NR1I2: variants seen among roughly 807,000 people sequenced by gnomAD.
NR1I2 encodes nuclear receptor subfamily 1 group I member 2.
Under a neutral mutation model 43.3 loss-of-function variants are expected in NR1I2, and 42 were observed. That is an observed-to-expected ratio of 0.97 (90% CI 0.76 to 1.26). The LOEUF is 1.26. Among genes scored for constraint, NR1I2 ranks in the 50% most tolerant of loss-of-function variants. NR1I2 has a pLI of 0.00. For synonymous variants in NR1I2, 229 were observed against 215.0 expected, an observed-to-expected ratio of 1.06 and a Z score of -0.57; for missense variants, 559 against 566.7, an observed-to-expected ratio of 0.99 and a Z score of 0.14.
In NR1I2 at chr3:119,817,484, G is replaced by A. The variant is rs564258519; in HGVS notation, c.*272G>A. On this transcript the variant is annotated 3_prime_UTR_variant, in exon 9 of 9. Transcript: ENST00000393716. ...TAGGTCAGGACCATCAGAGAGGCAA[G>A]GTTGCCCTTTCCTTTTAAAAGGCCC... The A allele has an allele frequency of 1.1e-5, 15 of 1,323,652 alleles. No individual in the cohort carries two copies. The African/African-American group carries it at 1.6e-4, about 14-fold the overall frequency. 82.0% of individuals were successfully genotyped at this position (1,323,652 alleles called of 1,614,324 possible).
chr3:119,783,127 A>T (rs944030591), intron 1 of NR1I2, among the ~76,000 whole-genome samples: 22 of 151,794 alleles, frequency 1.4e-4, no homozygotes, highest in African/African-American at 4.8e-4. Context: ...AGTTGAAAGG[A>T]TGCTAAGGGA....
intron 1 of NR1I2, among the ~76,000 whole-genome samples, chr3:119,788,581 G>C (rs2054876097): frequency 6.6e-6 from 1 of 152,040 alleles, no homozygotes; most frequent in Non-Finnish European, 1.5e-5. Flanking sequence ...GGGACTACAG[G>C]CACATGTCAC....
chr3:119,817,126 C>G lies in NR1I2; in HGVS notation c.1219C>G (p.His407Asp), dbSNP rs750065304. The G allele has an allele frequency of 3.7e-6, 6 of 1,614,114 alleles. No homozygotes were observed. Among genetic ancestry groups the G allele is most frequent in the Non-Finnish European group, 5.1e-6 (6 of 1,180,040 alleles). The change falls in exon 9 of 9, where the codon CAC becomes GAC. Residue 407 changes from histidine to aspartate, a missense_variant. Physicochemically the swap from His to Asp is moderately conservative, Grantham distance 81. Coordinates refer to ENST00000393716, the MANE Select transcript of NR1I2 (RefSeq NM_003889.4). ...CGAGCTCCGCAGCATCAATGCTCAGCACACCCAGCGGCTGCTGCGCATCCA... is the reference window on the plus strand; with the variant it reads ...CGAGCTCCGCAGCATCAATGCTCAGGACACCCAGCGGCTGCTGCGCATCCA...
intron 1 of NR1I2, among the ~76,000 whole-genome samples, chr3:119,805,613 G>C (rs1467868817): frequency 6.6e-6 from 1 of 151,282 alleles, no homozygotes; most frequent in Non-Finnish European, 1.5e-5. Flanking sequence ...AGAGGCAGGA[G>C]AATCGCTTGA....
intron 1 of NR1I2, among the ~76,000 whole-genome samples, chr3:119,799,751 G>T (rs1162573557): frequency 6.6e-6 from 1 of 152,122 alleles, no homozygotes; most frequent in Non-Finnish European, 1.5e-5. Context: ...AGGCTGAGGG[G>T]CATGGATCAC....
chr3:119,789,164 G>T (rs1045329626), intron 1 of NR1I2, among the ~76,000 whole-genome samples: 2 of 152,150 alleles, frequency 1.3e-5, no homozygotes, highest in African/African-American at 4.8e-5. Flanking sequence ...AATTGCCAGG[G>T]CCCTGACCTC....
Position 119,817,384 on chromosome 3 carries a change from T to C in NR1I2, c.*172T>C, listed in dbSNP as rs1023730014. On this transcript the variant is annotated 3_prime_UTR_variant, in exon 9 of 9. Transcript: ENST00000393716. ...TGGCTAGCATTCCTCAGGAAGGACA[T>C]GGGTGCCCCCCACCCCCAGTTCAGT... 3 of 1,488,986 alleles carry C rather than the reference T, an allele frequency of 2.0e-6. No individual in the cohort carries two copies. In the African/African-American group the frequency reaches 4.2e-5, roughly 21 times the overall value. The allele number at this position is 1,488,986 out of a possible 1,614,324, so 92.2% of individuals were successfully genotyped here.
At chr3:119,804,698 T>G (rs6438548) in intron 1 of NR1I2, among the ~76,000 whole-genome samples, 125,477 of 151,756 alleles carry the variant, frequency 0.83, 53,610 homozygotes, top group East Asian at 1. Flanking sequence ...TGCCTGCCTC[T>G]GCCTCCCAAA....
At chr3:119,789,936 T>G (rs144344399) in intron 1 of NR1I2, among the ~76,000 whole-genome samples, 1 of 152,212 alleles carries the variant, frequency 6.6e-6, no homozygotes, top group African/African-American at 2.4e-5. Flanking sequence ...ATTAATTAGT[T>G]CTGGTAAAAT....
At chr3:119,808,341 G>A (rs186512757) in intron 2 of NR1I2, among the ~76,000 whole-genome samples, 4 of 152,366 alleles carry the variant, frequency 2.6e-5, no homozygotes, top group African/African-American at 9.6e-5. Context: ...TTCAGCAGAA[G>A]CGCACAAAGG....
intron 1 of NR1I2, chr3:119,791,972 G>A (rs1577270649): frequency 1.4e-6 from 1 of 691,956 alleles, no homozygotes; most frequent in East Asian, 2.8e-5. Flanking sequence ...TTGTGGTAGG[G>A]TAAGGGACTC....
Position 119,807,248 on chromosome 3 carries a change from A to C in NR1I2, c.-3A>C, listed in dbSNP as rs1559788488. On this transcript the variant is annotated 5_prime_UTR_variant, in exon 2 of 9. Transcript: ENST00000393716. ...TTCTAGTCCAAGAGGCCCAGAAGCA[A>C]ACCTGGAGGTGAGACCCAAAGAAAG... 1.9e-6 allele frequency: 3 copies of C among 1,614,128 alleles called. No homozygotes were observed. Among genetic ancestry groups the C allele is most frequent in the Non-Finnish European group, 2.5e-6 (3 of 1,180,002 alleles).
chr3:119,799,808 C>T (rs962404002), intron 1 of NR1I2, among the ~76,000 whole-genome samples: 5 of 151,966 alleles, frequency 3.3e-5, no homozygotes, highest in Non-Finnish European at 5.9e-5. Context: ...GGTGAAACCC[C>T]GTCTCTACTA....
chr3:119,783,918 A>C (rs2054811294), intron 1 of NR1I2, among the ~76,000 whole-genome samples: 1 of 152,192 alleles, frequency 6.6e-6, no homozygotes, highest in South Asian at 2.1e-4. Context: ...TACTTCATTT[A>C]TTTTAACTGC....
intron 1 of NR1I2, among the ~76,000 whole-genome samples, chr3:119,790,396 C>T (rs569176928): frequency 9.2e-5 from 14 of 152,190 alleles, no homozygotes; most frequent in East Asian, 3.9e-4. Context: ...TTCAAGACCC[C>T]GATTTCAGTT....
intron 1 of NR1I2, among the ~76,000 whole-genome samples, chr3:119,806,261 A>G (rs1269357537): frequency 6.6e-6 from 1 of 152,034 alleles, no homozygotes; most frequent in Non-Finnish European, 1.5e-5. Flanking sequence ...TTGCCTGGGG[A>G]GGACATCCTT....
intron 2 of NR1I2, among the ~76,000 whole-genome samples, chr3:119,809,788 T>C (rs2055211464): frequency 6.6e-6 from 1 of 152,116 alleles, no homozygotes; most frequent in African/African-American, 2.4e-5. Flanking sequence ...GTTTTGGGGC[T>C]GCCCGCGCCA....
chr3:119,782,486 C>T (rs1313584988), intron 1 of NR1I2, among the ~76,000 whole-genome samples, 186 bp downstream of exon 1: 1 of 152,112 alleles, frequency 6.6e-6, no homozygotes, highest in Admixed American at 6.5e-5. Flanking sequence ...AAAACAATCA[C>T]TTAATGTTGA....
intron 5 of NR1I2, 36 bp downstream of exon 5, chr3:119,812,996 A>G (rs1330325825): frequency 1.2e-6 from 2 of 1,607,070 alleles, no homozygotes; most frequent in Non-Finnish European, 8.5e-7. Context: ...GGTGTGGAAA[A>G]GAACTGGAAG....
Sources: allele counts gnomAD v4.1 joint callset (sites outside exome capture counted in the v4.1 genomes callset), GRCh38; gene constraint gnomAD v4.1.1; transcripts MANE v1.5; gene names NCBI Gene and HGNC (gene_info 2026-07-23, HGNC 2026-07-21).